The following CNTN5 variants were observed in gnomAD, a reference collection of about 807,000 sequenced individuals.
CNTN5 encodes the protein contactin-5.
A neutral mutation model predicts 129.1 loss-of-function variants in CNTN5; 77 were observed. That is an observed-to-expected ratio of 0.60 (90% CI 0.50 to 0.72). CNTN5 has a LOEUF of 0.72. Ranked by LOEUF, CNTN5 falls within the 30% of genes least tolerant of loss-of-function variation. CNTN5 has a pLI of 0.00. For synonymous variants in CNTN5, 509 were observed against 465.6 expected (o/e 1.09, Z -1.20); for missense variants, 1,478 against 1,328.8 (o/e 1.11, Z -1.75).
intron 2 of CNTN5, among the ~76,000 whole-genome samples, chr11:99,546,796 C>A (rs1948308044): frequency 6.6e-6 from 1 of 152,078 alleles, no homozygotes; most frequent in South Asian, 2.1e-4. Flanking sequence ...TTACTTTGCA[C>A]TCATGATGGC....
At chr11:99,240,116 T>C (rs1031164325) in intron 1 of CNTN5, among the ~76,000 whole-genome samples, 1 of 152,142 alleles carries the variant, frequency 6.6e-6, no homozygotes, top group Non-Finnish European at 1.5e-5. Flanking sequence ...GTCTTTATCA[T>C]TGTCTATTAC....
rs766036643 is a variant in CNTN5 at position 100,356,168 on chromosome 11, C to T, written c.3251C>T (p.Ser1084Leu). The T allele has an allele frequency of 1.8e-5, 29 of 1,610,500 alleles. No individual in the cohort carries two copies. Among genetic ancestry groups the T allele is most frequent in the Middle Eastern group, 3.3e-4 (2 of 6,072 alleles). Residue 1084 changes from serine to leucine, a missense_variant, in exon 25 of 25, where the codon TCG (serine) becomes TTG (leucine). Transcript: ENST00000524871. ...ACCCTTCACTCTCTCTCCACATCTT[C>T]GTCATCAGTCACCTTGCTCTTGGCA... is the stretch of plus-strand genomic sequence containing the variant. Reference protein sequence around the residue: ...QSTLHSLSTSSSSVTLLLALM... With the variant: ...QSTLHSLSTSLSSVTLLLALM...
chr11:100,331,745 C>A (rs913862573), intron 21 of CNTN5, among the ~76,000 whole-genome samples: 2 of 152,026 alleles, frequency 1.3e-5, no homozygotes, highest in Non-Finnish European at 2.9e-5. Context: ...GCTGGCTCAA[C>A]AACGAAATCA....
At chr11:99,283,439 A>G (rs892532099) in intron 1 of CNTN5, among the ~76,000 whole-genome samples, 3 of 151,956 alleles carry the variant, frequency 2.0e-5, no homozygotes, top group Non-Finnish European at 2.9e-5. Flanking sequence ...TGTTTTCCCC[A>G]TCTACGTATC....
At chr11:99,431,074 A>C (rs1943348893) in intron 2 of CNTN5, among the ~76,000 whole-genome samples, 1 of 150,662 alleles carries the variant, frequency 6.6e-6, no homozygotes, top group South Asian at 2.1e-4. Context: ...CTTGTTAGGC[A>C]TAACTCGGAA....
chr11:99,994,972 A>C (rs1939349685), intron 8 of CNTN5, among the ~76,000 whole-genome samples: 1 of 152,210 alleles, frequency 6.6e-6, no homozygotes, highest in Non-Finnish European at 1.5e-5. Flanking sequence ...GGAAATATTT[A>C]AGAAGAAGCA....
intron 2 of CNTN5, among the ~76,000 whole-genome samples, chr11:99,526,842 A>G (rs1947506077): frequency 6.6e-6 from 1 of 152,228 alleles, no homozygotes; most frequent in East Asian, 1.9e-4. Context: ...AACTCAGCCA[A>G]CACACAGAAA....
intron 1 of CNTN5, among the ~76,000 whole-genome samples, chr11:99,203,585 T>A (rs1331981048): frequency 2.0e-5 from 3 of 152,092 alleles, no homozygotes. Flanking sequence ...CATTTCTTTT[T>A]TTTTTGGGTG....
In CNTN5 at chr11:100,255,918, G is replaced by C; in HGVS notation, c.2164G>C (p.Val722Leu). The C allele has an allele frequency of 6.2e-7, 1 of 1,613,604 alleles. No homozygotes were observed. Among genetic ancestry groups the C allele is most frequent in the Non-Finnish European group, 8.5e-7 (1 of 1,179,676 alleles). Reference sequence around the variant, plus strand: ...CCTGGGCTGGCAAACAGTAAAGACAGGTAAGAGGCACTAAAGCAACATCAG... The same window carrying C: ...CCTGGGCTGGCAAACAGTAAAGACACGTAAGAGGCACTAAAGCAACATCAG... ...FSLGWQTVKT[V>L]PEIITGDMES... Residue 722 changes from valine (V) to leucine (L), a missense_variant and splice_region_variant, in exon 17 of 25, where the codon GTC becomes CTC. Coordinates refer to ENST00000524871, the MANE Select transcript of CNTN5 (RefSeq NM_014361.4).
intron 4 of CNTN5, among the ~76,000 whole-genome samples, chr11:99,820,543 T>G (rs55916612): frequency 1.7e-4 from 21 of 125,724 alleles, no homozygotes; most frequent in African/African-American, 5.4e-4. Context: ...ACCTTTGTCA[T>G]TTTTGGATCC....
chr11:100,139,415 G>T (rs957255910), intron 13 of CNTN5, among the ~76,000 whole-genome samples: 2 of 152,144 alleles, frequency 1.3e-5, no homozygotes, highest in African/African-American at 4.8e-5. Context: ...GAGAAGAAAA[G>T]AATCCCTTGT....
At chr11:99,344,887 T>C (rs1937716041) in intron 2 of CNTN5, among the ~76,000 whole-genome samples, 1 of 152,162 alleles carries the variant, frequency 6.6e-6, no homozygotes, top group African/African-American at 2.4e-5. Context: ...TCCAAGACCA[T>C]AGTATATTTT....
intron 13 of CNTN5, among the ~76,000 whole-genome samples, chr11:100,120,980 C>G (rs1036403165): frequency 1.3e-5 from 2 of 151,544 alleles, no homozygotes; most frequent in Non-Finnish European, 2.9e-5. Context: ...GTAAAGCATC[C>G]CCTTCGCCTT....
chr11:99,991,423 C>T (rs184945604), intron 8 of CNTN5, among the ~76,000 whole-genome samples: 1,728 of 152,214 alleles, frequency 0.011, 39 homozygotes, highest in African/African-American at 0.039. Flanking sequence ...GCCGAGATTG[C>T]ACCACTGCAC....
At chr11:99,585,050 T>C (rs1193583842) in intron 3 of CNTN5, among the ~76,000 whole-genome samples, 2 of 152,226 alleles carry the variant, frequency 1.3e-5, no homozygotes, top group Non-Finnish European at 2.9e-5. Flanking sequence ...TACCTGATTG[T>C]TAAGGATTTG....
chr11:99,776,974 A>G (rs553226032), intron 3 of CNTN5, among the ~76,000 whole-genome samples: 241 of 152,024 alleles, frequency 1.6e-3, no homozygotes, highest in Non-Finnish European at 2.8e-3. Flanking sequence ...TATTTTAAAA[A>G]TGTCATTTTT....
intron 3 of CNTN5, among the ~76,000 whole-genome samples, chr11:99,751,135 G>A (rs1204575937): frequency 6.6e-6 from 1 of 152,096 alleles, no homozygotes; most frequent in East Asian, 1.9e-4. Context: ...TCAGGAGTTC[G>A]AGAACAGCCT....
chr11:99,169,147 T>C (rs1478691743), intron 1 of CNTN5, among the ~76,000 whole-genome samples: 1 of 152,194 alleles, frequency 6.6e-6, no homozygotes, highest in Non-Finnish European at 1.5e-5. Flanking sequence ...TGGCCGTTGA[T>C]ACTAGAACAC....
chr11:99,737,353 T>C (rs1261999452), intron 3 of CNTN5, among the ~76,000 whole-genome samples: 1 of 152,178 alleles, frequency 6.6e-6, no homozygotes, highest in Non-Finnish European at 1.5e-5. Context: ...CAAGGTGGAA[T>C]ACAAGTGTTA....
Sources: allele counts gnomAD v4.1 joint callset (sites outside exome capture counted in the v4.1 genomes callset), GRCh38; gene constraint gnomAD v4.1.1; transcripts MANE v1.5; gene names NCBI Gene and HGNC (gene_info 2026-07-23, HGNC 2026-07-21).